RFC5: variants seen among roughly 807,000 people sequenced by gnomAD.
The protein encoded by RFC5 is replication factor C subunit 5, also known as A1 36 kDa subunit.
Under a neutral mutation model 44.3 loss-of-function variants are expected in RFC5, and 26 were observed. The ratio of observed to expected loss-of-function variants is 0.59; its 90% CI spans 0.43 to 0.81. The LOEUF (loss-of-function observed/expected upper bound fraction) is 0.81, where lower values mean the gene tolerates loss of function less well. Among genes scored for constraint, RFC5 ranks in the 40% least tolerant of loss-of-function variants. The probability of loss-of-function intolerance (pLI) is 0.00; values close to 1 mark genes in which losing one functional copy is unlikely to be tolerated. For synonymous variants in RFC5, 155 were observed against 155.2 expected, an observed-to-expected ratio of 1.00 and a Z score of 0.01; for missense variants, 328 against 418.6, an observed-to-expected ratio of 0.78 and a Z score of 1.89.
chr12:118,027,583 A>T (rs2031034357), intron 8 of RFC5, among the ~76,000 whole-genome samples: 1 of 151,730 alleles, frequency 6.6e-6, no homozygotes, highest in South Asian at 2.1e-4. Flanking sequence ...GAGGCATGAG[A>T]ATTGCTTGAA....
At position 118,025,783 on chromosome 12, in the gene RFC5, C is replaced by A; in HGVS notation, c.618C>A (p.Val206=). ...DISEDGMKAL[V]TLSSGDMRRA... ...GTGAAGATGGAATGAAAGCACTAGT[C>A]ACTCTTTCCAGTGGAGACATGCGTA... The change falls in exon 7 of 11, where the codon GTC becomes GTA. Residue 206 remains valine, a synonymous_variant. Transcript: ENST00000454402. 1 of 1,609,244 alleles carries A rather than the reference C, an allele frequency of 6.2e-7. No individual in the cohort carries two copies.
chr12:118,038,250 T>G, the RFC5 span: 4 of 1,586,880 alleles, frequency 2.5e-6, no homozygotes, highest in African/African-American at 5.4e-5. Context: ...CAGACCTCCA[T>G]GTCTCAGTGA....
rs1209746902 is a variant in RFC5, at chr12:118,032,181, A to ATTCTGTCTCT, written c.*903_*904insTTCTGTCTCT. ...CTTTGTCAAACTTGCATTTATATGA[A>ATTCTGTCTCT]AACCTTCTGTCTCTAATATCACAGA... On this transcript the variant is annotated 3_prime_UTR_variant, in exon 11 of 11. Transcript: ENST00000454402. 6.6e-6 allele frequency: 1 copy of ATTCTGTCTCT among 152,254 alleles called. No homozygotes were observed. The highest frequency in any genetic ancestry group is 1.5e-5 in the Non-Finnish European group (1 of 68,052). The allele number at this position is 152,254 out of a possible 1,614,324, so 9.4% of individuals were successfully genotyped here. A position where few individuals can be genotyped will look rare whatever the true frequency, so the allele number is the denominator to read the frequency against.
At position 118,019,332 on chromosome 12, in the gene RFC5, C is replaced by T. The variant is rs1324067532; in HGVS notation, c.130+196C>T. Among the ~76,000 whole-genome samples, 2 of 152,172 alleles carry T rather than the reference C, an allele frequency of 1.3e-5. No individual in the cohort carries two copies. Among genetic ancestry groups the T allele is most frequent in the Non-Finnish European group, 2.9e-5 (2 of 68,022 alleles). On this transcript the variant is annotated intron_variant, in intron 2 of 10. Transcript: ENST00000454402. The surrounding 1 kb of genome is among the most constrained non-coding windows in gnomAD (Gnocchi z 4.2). ...AGTCACAAACATGAGCATAAAATTG[C>T]AACACAGTGGAGTAAAAATAGCATT...
At chr12:118,021,882 A>C (rs538530507) in intron 4 of RFC5, among the ~76,000 whole-genome samples, 62 of 152,200 alleles carry the variant, frequency 4.1e-4, no homozygotes, top group African/African-American at 1.5e-3. Context: ...GCTTGAACCC[A>C]GGAGGCAGAG....
chr12:118,017,761 T>C (rs117895973), intron 1 of RFC5: 7 of 656,406 alleles, frequency 1.1e-5, no homozygotes, highest in African/African-American at 3.6e-5. Context: ...ACCTCAAACA[T>C]TGGGGTTCAA....
downstream of RFC5, among the ~76,000 whole-genome samples, chr12:118,037,682 AG>A (rs141032879): frequency 1.1e-4 from 16 of 149,168 alleles, no homozygotes; most frequent in African/African-American, 4.0e-4. Context: ...AAAAAAAAAA[AG>A]AAAAGAAAAG....
chr12:118,034,194 G>C (rs781357348), downstream of RFC5: 1 of 1,614,040 alleles, frequency 6.2e-7, no homozygotes, highest in Admixed American at 1.7e-5. Context: ...ATGTGGTGTT[G>C]CTTAAAAAGT....
intron 4 of RFC5, 151 bp from the exon 5 acceptor site, chr12:118,022,135 A>G: frequency 1.6e-6 from 1 of 639,128 alleles, no homozygotes; most frequent in East Asian, 2.8e-5. Flanking sequence ...TTCCTCTCTG[A>G]GTGACCAAAG....
chr12:118,032,145 A>G lies in RFC5; in HGVS notation c.*867A>G, dbSNP rs1439507150. 6.6e-6 allele frequency: 1 copy of G among 152,242 alleles called. No homozygotes were observed. Among genetic ancestry groups the G allele is most frequent in the Non-Finnish European group, 1.5e-5 (1 of 68,038 alleles). The allele number at this position is 152,242 out of a possible 1,614,324, so 9.4% of individuals were successfully genotyped here. A position where few individuals can be genotyped will look rare whatever the true frequency, so the allele number is the denominator to read the frequency against. ...AAGTGACTCTTCCTTAGACAGCTAG[A>G]AAGATGCTGACTTTGTCAAACTTGC... On this transcript the variant is annotated 3_prime_UTR_variant, in exon 11 of 11. Transcript: ENST00000454402.
chr12:118,034,885 C>T (rs1259461771), downstream of RFC5: 3 of 1,130,518 alleles, frequency 2.7e-6, no homozygotes, highest in African/African-American at 4.7e-5. Flanking sequence ...TTAAAGCTTT[C>T]CTCATAGGCA....
chr12:118,016,715 TGC>T lies in RFC5; in HGVS notation c.-107_-106del. ...GGCCGCGTCTCGCGAGAGTTGCTTT[TGC>T]GCGCGAACTGTAAGTGCCAGGGTCT... is the stretch of plus-strand genomic sequence containing the variant. On this transcript the variant is annotated 5_prime_UTR_variant, in exon 1 of 11. Transcript: ENST00000454402. 1.2e-6 allele frequency: 1 copy of T among 863,990 alleles called. No homozygotes were observed. The highest frequency in any genetic ancestry group is 1.9e-6 in the Non-Finnish European group (1 of 531,788). 53.5% of individuals were successfully genotyped at this position (863,990 alleles called of 1,614,324 possible).
chr12:118,036,288 T>G, downstream of RFC5: 1 of 1,582,002 alleles, frequency 6.3e-7, no homozygotes, highest in Non-Finnish European at 8.6e-7. Flanking sequence ...CCAGGCAGGT[T>G]CCTCATCAGT....
downstream of RFC5, chr12:118,036,327 T>TC: frequency 1.2e-6 from 2 of 1,610,624 alleles, no homozygotes; most frequent in Non-Finnish European, 1.7e-6. Flanking sequence ...TAGCAGGGAT[T>TC]CAGTCCTTAC....
At chr12:118,017,905 T>C (rs1226149125) in intron 1 of RFC5, 1 of 670,632 alleles carries the variant, frequency 1.5e-6, no homozygotes, top group African/African-American at 1.8e-5. Flanking sequence ...TGTTGTGGAG[T>C]CTTCCCGCTA....
Position 118,019,222 on chromosome 12 carries a change from C to A in RFC5, c.130+86C>A. The A allele has an allele frequency of 1.1e-6, 1 of 945,666 alleles. No homozygotes were observed. The highest frequency in any genetic ancestry group is 1.7e-6 in the Non-Finnish European group (1 of 581,742). 58.6% of individuals were successfully genotyped at this position (945,666 alleles called of 1,614,324 possible). A position where few individuals can be genotyped will look rare whatever the true frequency, so the allele number is the denominator to read the frequency against. ...TGATGTTGTCTCTCCTAAGTAATAACTTCAAAGAATCTGATTGCGCTTTGT... is the reference window on the plus strand; with the variant it reads ...TGATGTTGTCTCTCCTAAGTAATAAATTCAAAGAATCTGATTGCGCTTTGT... On this transcript the variant is annotated intron_variant, in intron 2 of 10. Transcript: ENST00000454402. This position sits in a 1 kb window ranked among gnomAD's most constrained non-coding sequence, Gnocchi z 4.2.
intron 9 of RFC5, 94 bp downstream of exon 9, chr12:118,028,124 C>A: frequency 1.3e-6 from 1 of 770,928 alleles, no homozygotes; most frequent in South Asian, 1.4e-5. Flanking sequence ...ATTCTTGAAG[C>A]AAAGAAACTA....
intron 1 of RFC5, chr12:118,017,709 C>A (rs770620055): frequency 6.4e-6 from 5 of 777,644 alleles, no homozygotes; most frequent in Non-Finnish European, 9.6e-6. Context: ...CTCGCTCTGT[C>A]GCCCATGCTG....
At chr12:118,036,062 C>G (rs2031502479), downstream of RFC5, 1 of 231,908 alleles carries the variant, frequency 4.3e-6, no homozygotes, top group Non-Finnish European at 8.4e-6. Context: ...ATTAGCCAGG[C>G]CTGGTGGCGC....
Sources: gnomAD v4.1 joint callset for allele counts (sites outside exome capture counted in the v4.1 genomes callset) on GRCh38, gnomAD v4.1.1 for gene constraint, Gnocchi (gnomAD v3.1) non-coding constraint, MANE v1.5 for transcripts, NCBI Gene and HGNC (gene_info 2026-07-23, HGNC 2026-07-21) for gene names.